The following C10orf71 variants were observed in gnomAD, a reference collection of about 807,000 sequenced individuals.
The protein encoded by C10orf71 is cardiac-enriched FHL2-interacting protein.
For missense variants in C10orf71, 1,869 were observed against 1,804.5 expected (o/e 1.04, Z -0.65); for synonymous variants, 758 against 726.3 (o/e 1.04, Z -0.70).
At position 49,327,111 on chromosome 10, in the gene C10orf71, A is replaced by C; in HGVS notation, c.*258A>C. ...CCCGGTCCCCTCCGTGCCAGTTCCC[A>C]GGCGCACTCTACTCCAGCCCTTCTC... On this transcript the variant is annotated 3_prime_UTR_variant, in exon 3 of 3. Coordinates refer to ENST00000374144, the MANE Select transcript of C10orf71 (RefSeq NM_001135196.2). 1 of 1,287,894 alleles carries C rather than the reference A, an allele frequency of 7.8e-7. No homozygotes were observed. Among genetic ancestry groups the C allele is most frequent in the Admixed American group, 2.4e-5 (1 of 42,072 alleles). The allele number at this position is 1,287,894 out of a possible 1,614,324, so 79.8% of individuals were successfully genotyped here. A position where few individuals can be genotyped will look rare whatever the true frequency, so the allele number is the denominator to read the frequency against.
At position 49,325,932 on chromosome 10, in the gene C10orf71, G is replaced by A. The variant is rs1849230582; in HGVS notation, c.3387G>A (p.Leu1129=). 1.3e-6 allele frequency: 2 copies of A among 1,551,274 alleles called. No homozygotes were observed. Among genetic ancestry groups the A allele is most frequent in the African/African-American group, 1.4e-5 (1 of 73,026 alleles). ...WEGGSDPLLE[L]SAEDLRTLSP... ...GCGGCTCTGACCCCCTACTTGAGCT[G>A]TCGGCAGAAGACCTCCGGACCCTCT... The change falls in exon 3 of 3, where the codon CTG becomes CTA. Residue 1129 remains leucine, a synonymous_variant. Transcript: ENST00000374144.
rs1357454289 is a variant in C10orf71, at chr10:49,326,347, C to A, written c.3802C>A (p.Pro1268Thr). Reference sequence around the variant, plus strand: ...GGGCCCCCAGTCCCTCACACCCCTGCCCGCGTACCCCGCCACCCAGAAGGT... The same window carrying A: ...GGGCCCCCAGTCCCTCACACCCCTGACCGCGTACCCCGCCACCCAGAAGGT... ...PGGPQSLTPL[P>T]AYPATQKVLQ... Residue 1268 changes from proline to threonine, a missense_variant, in exon 3 of 3, where the codon CCC becomes ACC. Coordinates refer to ENST00000374144, the MANE Select transcript of C10orf71 (RefSeq NM_001135196.2). The A allele has an allele frequency of 6.5e-7, 1 of 1,550,314 alleles. No homozygotes were observed. The highest frequency in any genetic ancestry group is 8.7e-7 in the Non-Finnish European group (1 of 1,146,820).
At position 49,323,679 on chromosome 10, in the gene C10orf71, G is replaced by T. The variant is rs1027893590; in HGVS notation, c.1134G>T (p.Gln378His). ...CTGATTCTCAAGAGAAGCCAGCCCAGCCCCCATGGAGGAAGCCAAAGACTG... is the reference window on the plus strand; with the variant it reads ...CTGATTCTCAAGAGAAGCCAGCCCATCCCCCATGGAGGAAGCCAAAGACTG... ...SQPDSQEKPAQPPWRKPKTGK... is the reference protein window; with the variant it reads ...SQPDSQEKPAHPPWRKPKTGK... Residue 378 changes from glutamine (Q) to histidine (H), a missense_variant, in exon 3 of 3, where the codon CAG (glutamine) becomes CAT (histidine). Coordinates refer to ENST00000374144, the MANE Select transcript of C10orf71 (RefSeq NM_001135196.2). 6.2e-7 allele frequency: 1 copy of T among 1,613,522 alleles called. No homozygotes were observed. Among genetic ancestry groups the T allele is most frequent in the Non-Finnish European group, 8.5e-7 (1 of 1,179,798 alleles).
rs1242522499 is a variant in C10orf71, at chr10:49,326,658, C to T, written c.4113C>T (p.Arg1371=). The T allele has an allele frequency of 4.5e-6, 7 of 1,550,476 alleles. No individual in the cohort carries two copies. The highest frequency in any genetic ancestry group is 1.7e-4 in the Middle Eastern group (1 of 5,990). The change falls in exon 3 of 3, where the codon CGC becomes CGT. Residue 1371 remains arginine (R), a synonymous_variant. Transcript: ENST00000374144. Reference sequence around the variant, plus strand: ...AGGGCCCTCGTGCCTCCGCGGCCCGCGCCAGGACCCAGAGTGTCCACGAGT... The same window carrying T: ...AGGGCCCTCGTGCCTCCGCGGCCCGTGCCAGGACCCAGAGTGTCCACGAGT... ...LRQGPRASAA[R]ARTQSVHESG...
rs771249388 is a variant in C10orf71 at position 49,326,803 on chromosome 10, A to G, written c.4258A>G (p.Ile1420Val). ...EEGVEAPGLG[I>V]ISTDDLEDFA... The stretch of plus-strand genomic sequence containing the variant: ...GGGTGTAGAAGCTCCAGGCCTGGGC[A>G]TCATCTCCACTGATGACCTAGAGGA... Residue 1420 changes from isoleucine to valine, a missense_variant, in exon 3 of 3, where the codon ATC (isoleucine) becomes GTC (valine). By Grantham distance (29) the Ile-to-Val change is conservative (BLOSUM62 3). Transcript: ENST00000374144. The G allele has an allele frequency of 6.5e-7, 1 of 1,549,700 alleles. No individual in the cohort carries two copies. The highest frequency in any genetic ancestry group is 8.7e-7 in the Non-Finnish European group (1 of 1,146,970).
rs768662308 is a variant in C10orf71, at chr10:49,323,803, C to G, written c.1258C>G (p.Gln420Glu). ...GTATACAAAACACAACCCCCAGGAA[C>G]AGTTTTCAGAAAACAATGCTCTTGA... ...PLYTKHNPQE[Q>E]FSENNALDLP... Residue 420 changes from glutamine to glutamate, a missense_variant, in exon 3 of 3, where the codon CAG becomes GAG. Coordinates refer to ENST00000374144, the MANE Select transcript of C10orf71 (RefSeq NM_001135196.2). The G allele has an allele frequency of 2.4e-5, 39 of 1,613,952 alleles. No individual in the cohort carries two copies. The highest frequency in any genetic ancestry group is 3.3e-5 in the Non-Finnish European group (39 of 1,179,884).
chr10:49,325,072 C>T lies in C10orf71; in HGVS notation c.2527C>T (p.Pro843Ser). ...TTFSQAKDLT[P>S]SPSSASNRHM... The stretch of plus-strand genomic sequence containing the variant: ...CTTTTCACAGGCCAAAGACCTTACT[C>T]CCTCACCATCTTCTGCTTCAAACAG... Residue 843 changes from proline (P) to serine (S), a missense_variant, in exon 3 of 3, where the codon CCC becomes TCC. Coordinates refer to ENST00000374144, the MANE Select transcript of C10orf71 (RefSeq NM_001135196.2). The T allele has an allele frequency of 6.4e-7, 1 of 1,551,852 alleles. No individual in the cohort carries two copies. Among genetic ancestry groups the T allele is most frequent in the Non-Finnish European group, 8.7e-7 (1 of 1,147,040 alleles).
Position 49,323,813 on chromosome 10 carries a change from A to C in C10orf71, c.1268A>C (p.Glu423Ala). Reference sequence around the variant, plus strand: ...CACAACCCCCAGGAACAGTTTTCAGAAAACAATGCTCTTGACCTGCCTGTG... The same window carrying C: ...CACAACCCCCAGGAACAGTTTTCAGCAAACAATGCTCTTGACCTGCCTGTG... Reference protein sequence around the residue: ...TKHNPQEQFSENNALDLPVEP... With the variant: ...TKHNPQEQFSANNALDLPVEP... Residue 423 changes from glutamate to alanine, a missense_variant, in exon 3 of 3, where the codon GAA becomes GCA. Physicochemically the swap from Glu to Ala is moderately radical, Grantham distance 107. Coordinates refer to ENST00000374144, the MANE Select transcript of C10orf71 (RefSeq NM_001135196.2). The C allele has an allele frequency of 6.2e-7, 1 of 1,613,960 alleles. No homozygotes were observed. The highest frequency in any genetic ancestry group is 8.5e-7 in the Non-Finnish European group (1 of 1,179,888).
chr10:49,314,553 AG>A (rs950622664), intron 1 of C10orf71, among the ~76,000 whole-genome samples: 5 of 152,200 alleles, frequency 3.3e-5, no homozygotes, highest in African/African-American at 1.2e-4. Context: ...TGAGTCCATG[AG>A]GCAACTGCCT....
At chr10:49,302,608 G>A (rs1026438839) in intron 1 of C10orf71, among the ~76,000 whole-genome samples, 3 of 152,214 alleles carry the variant, frequency 2.0e-5, no homozygotes, top group African/African-American at 4.8e-5. Context: ...GCCCAAAGAT[G>A]CACAGTGAAT....
Position 49,325,392 on chromosome 10 carries a change from C to T in C10orf71, c.2847C>T (p.Ala949=). 1 of 1,550,930 alleles carries T rather than the reference C, an allele frequency of 6.4e-7. No individual in the cohort carries two copies. The highest frequency in any genetic ancestry group is 1.7e-4 in the Middle Eastern group (1 of 5,990). The change falls in exon 3 of 3, where the codon GCC becomes GCT. Residue 949 remains alanine, a synonymous_variant. Transcript: ENST00000374144. ...GGTCGAGCATGGCCAGGATGGAGGC[C>T]TCTCAGCCAGCCCCAAAGGGGAATT... ...GQGSSMARME[A]SQPAPKGNFP... is the part of the protein sequence containing the mutation.
rs984624633 is a variant in C10orf71, at chr10:49,325,965, A to T, written c.3420A>T (p.Arg1140Ser). The T allele has an allele frequency of 4.4e-5, 69 of 1,551,528 alleles. No homozygotes were observed. The highest frequency in any genetic ancestry group is 1.7e-4 in the Middle Eastern group (1 of 6,014). Residue 1140 changes from arginine to serine, a missense_variant, in exon 3 of 3, where the codon AGA (arginine) becomes AGT (serine). Physicochemically the swap from Arg to Ser is moderately radical, Grantham distance 110 (BLOSUM62 -1). Transcript: ENST00000374144. ...AAGACCTCCGGACCCTCTCTCCAAG[A>T]GGTTCATTGCTGGATGTGGCCACCA... ...SAEDLRTLSP[R>S]GSLLDVATSP...
Position 49,326,429 on chromosome 10 carries a change from A to G in C10orf71, c.3884A>G (p.Lys1295Arg). ...GTCTTCGACTTGCCACTCCAGGTGA[A>G]AATCAAGACCTTCTATGACCCAGAG... ...YFVFDLPLQVKIKTFYDPETG... is the reference protein window; with the variant it reads ...YFVFDLPLQVRIKTFYDPETG... Residue 1295 changes from lysine to arginine, a missense_variant, in exon 3 of 3, where the codon AAA becomes AGA. Transcript: ENST00000374144. 1 of 1,550,420 alleles carries G rather than the reference A, an allele frequency of 6.4e-7. No homozygotes were observed. The highest frequency in any genetic ancestry group is 2.4e-5 in the East Asian group (1 of 40,898).
intron 1 of C10orf71, among the ~76,000 whole-genome samples, chr10:49,304,611 C>G (rs1848782333): frequency 6.6e-6 from 1 of 152,208 alleles, no homozygotes; most frequent in Admixed American, 6.5e-5. Flanking sequence ...GTGATGGACT[C>G]TGTAGAAACC....
rs191348952 is a variant in C10orf71, at chr10:49,299,582, G to T, written c.-248+349G>T. On this transcript the variant is annotated intron_variant, in intron 1 of 2. Coordinates refer to ENST00000374144, the MANE Select transcript of C10orf71 (RefSeq NM_001135196.2). ...GTTCGGTGCCAGGGTGCTGTGCAGG[G>T]TGGTATGTGTGTGCCGGGAGCCCAT... 233 of 152,974 alleles carry T rather than the reference G, an allele frequency of 1.5e-3. 3 individuals are homozygous for T. The highest frequency in any genetic ancestry group is 1.5e-3 in the East Asian group (8 of 5,188). 9.5% of individuals were successfully genotyped at this position (152,974 alleles called of 1,614,324 possible). A position where few individuals can be genotyped will look rare whatever the true frequency, so the allele number is the denominator to read the frequency against.
At chr10:49,311,955 A>G (rs370805541) in intron 1 of C10orf71, among the ~76,000 whole-genome samples, 11 of 152,344 alleles carry the variant, frequency 7.2e-5, no homozygotes, top group African/African-American at 2.6e-4. Flanking sequence ...TAACAGCATC[A>G]TGAGGCATGG....
Position 49,325,329 on chromosome 10 carries a change from G to C in C10orf71, c.2784G>C (p.Lys928Asn), listed in dbSNP as rs1849204942. 6.4e-7 allele frequency: 1 copy of C among 1,551,660 alleles called. No homozygotes were observed. Among genetic ancestry groups the C allele is most frequent in the Non-Finnish European group, 8.7e-7 (1 of 1,147,032 alleles). Reference protein sequence around the residue: ...TPTNTRGTRVKCMANEVMEDP... With the variant: ...TPTNTRGTRVNCMANEVMEDP... ...CTAACACACGGGGCACACGTGTGAA[G>C]TGCATGGCCAACGAGGTCATGGAGG... The change falls in exon 3 of 3, where the codon AAG becomes AAC. Residue 928 changes from lysine (K) to asparagine (N), a missense_variant. By Grantham distance (94) the Lys-to-Asn change is moderately conservative (BLOSUM62 0). Coordinates refer to ENST00000374144, the MANE Select transcript of C10orf71 (RefSeq NM_001135196.2).
intron 1 of C10orf71, among the ~76,000 whole-genome samples, chr10:49,305,510 T>C (rs1003873466): frequency 2.0e-5 from 3 of 152,210 alleles, no homozygotes; most frequent in African/African-American, 7.2e-5. Context: ...TTATACCAGG[T>C]GCTCATTACC....
chr10:49,320,555 T>C (rs1039821220), intron 2 of C10orf71, among the ~76,000 whole-genome samples: 1 of 152,154 alleles, frequency 6.6e-6, no homozygotes, highest in Non-Finnish European at 1.5e-5. Flanking sequence ...TAATCTTCGA[T>C]CATGCTTGGT....
Sources: allele counts gnomAD v4.1 joint callset (sites outside exome capture counted in the v4.1 genomes callset), GRCh38; gene constraint gnomAD v4.1.1; transcripts MANE v1.5; gene names NCBI Gene and HGNC (gene_info 2026-07-23, HGNC 2026-07-21).